The following GRM1 variants were observed in gnomAD, a reference collection of about 807,000 sequenced individuals.
GRM1 encodes glutamate metabotropic receptor 1.
A neutral mutation model predicts 90.9 loss-of-function variants in GRM1; 33 were observed. The observed-to-expected ratio is 0.36, with a 90% CI of 0.28 to 0.49. GRM1 has a LOEUF of 0.49. GRM1 is among the 20% of genes least tolerant of loss of function. The pLI is 0.99. For missense variants in GRM1, 1,190 were observed against 1,534.3 expected, an observed-to-expected ratio of 0.78 and a Z score of 3.75; for synonymous variants, 700 against 613.2, an observed-to-expected ratio of 1.14 and a Z score of -2.09.
At chr6:146,340,414 A>G (rs902716814) in intron 3 of GRM1, 1 of 152,196 alleles carries the variant, frequency 6.6e-6, no homozygotes, top group Admixed American at 6.6e-5. Flanking sequence ...CTGTGTAAGA[A>G]ATTAGTGCAA....
At chr6:146,285,638 T>C (rs146034354) in intron 2 of GRM1, among the ~76,000 whole-genome samples, 3 of 152,338 alleles carry the variant, frequency 2.0e-5, no homozygotes, top group Non-Finnish European at 4.4e-5. Context: ...TTGCATAGTA[T>C]TTCTGCATGG....
At chr6:146,299,669 A>G (rs1783304965) in intron 2 of GRM1, among the ~76,000 whole-genome samples, 1 of 152,190 alleles carries the variant, frequency 6.6e-6, no homozygotes, top group East Asian at 1.9e-4. Context: ...GCCTCAGGTA[A>G]TTTCATTAAA....
intron 2 of GRM1, among the ~76,000 whole-genome samples, chr6:146,284,281 T>C (rs1248211269): frequency 2.0e-5 from 3 of 152,214 alleles, no homozygotes; most frequent in African/African-American, 7.2e-5. Flanking sequence ...CTTGAAGTTA[T>C]CTTTTAAAAA....
At chr6:146,164,258 C>A (rs1777834800) in intron 2 of GRM1, among the ~76,000 whole-genome samples, 1 of 152,002 alleles carries the variant, frequency 6.6e-6, no homozygotes, top group Non-Finnish European at 1.5e-5. Flanking sequence ...ATAATTACTC[C>A]AAATTCCTAA....
intron 7 of GRM1, among the ~76,000 whole-genome samples, chr6:146,417,871 A>G (rs1318215174): frequency 6.6e-6 from 1 of 152,166 alleles, no homozygotes; most frequent in African/African-American, 2.4e-5. Flanking sequence ...GTAAGGTAAT[A>G]AAAAGTCTGA....
rs1235035789 is a variant in GRM1, at chr6:146,029,707, G to A, written c.190G>A (p.Glu64Lys). The A allele has an allele frequency of 6.2e-7, 1 of 1,614,008 alleles. No homozygotes were observed. The highest frequency in any genetic ancestry group is 1.7e-5 in the Admixed American group (1 of 60,004). Reference sequence around the variant, plus strand: ...CCAGCCTCCGGCCGAGAAAGTGCCCGAGAGGAAGTGTGGGGAGATCAGGGA... The same window carrying A: ...CCAGCCTCCGGCCGAGAAAGTGCCCAAGAGGAAGTGTGGGGAGATCAGGGA... ...HHQPPAEKVP[E>K]RKCGEIREQY... Residue 64 changes from glutamate (E) to lysine (K), a missense_variant, in exon 1 of 8, where the codon GAG becomes AAG. Physicochemically the swap from Glu to Lys is moderately conservative, Grantham distance 56 (BLOSUM62 1). Coordinates refer to ENST00000282753, the MANE Select transcript of GRM1 (RefSeq NM_001278064.2).
At chr6:146,028,228 AGG>A, upstream of GRM1, among the ~76,000 whole-genome samples, 1 of 126,544 alleles carries the variant, frequency 7.9e-6, no homozygotes, top group Non-Finnish European at 1.7e-5. Flanking sequence ...CTCGAGTGGA[AGG>A]GAGTGTGTGT....
intron 1 of GRM1, among the ~76,000 whole-genome samples, chr6:146,138,369 A>G (rs1247652909): frequency 3.3e-5 from 5 of 152,002 alleles, no homozygotes; most frequent in Non-Finnish European, 5.9e-5. Context: ...TTATGAAGTG[A>G]TGTTGAATTT....
At chr6:146,404,094 T>G (rs1288520849) in intron 7 of GRM1, among the ~76,000 whole-genome samples, 1 of 152,142 alleles carries the variant, frequency 6.6e-6, no homozygotes, top group Non-Finnish European at 1.5e-5. Flanking sequence ...CATTTTGTAA[T>G]TATTTTTCTC....
intron 1 of GRM1, among the ~76,000 whole-genome samples, chr6:146,120,833 G>GTTTGCCAGTA (rs1775957318): frequency 6.6e-6 from 1 of 152,184 alleles, no homozygotes; most frequent in African/African-American, 2.4e-5. Flanking sequence ...GCTGGATTCA[G>GTTTGCCAGTA]TTTGCCAGTA....
At chr6:146,377,403 T>C (rs937741120) in intron 5 of GRM1, among the ~76,000 whole-genome samples, 9 of 152,030 alleles carry the variant, frequency 5.9e-5, no homozygotes, top group Admixed American at 3.9e-4. Flanking sequence ...ATGAGAAACT[T>C]GTTAGAAATT....
At chr6:146,417,674 A>T (rs747052864) in intron 7 of GRM1, among the ~76,000 whole-genome samples, 1 of 152,192 alleles carries the variant, frequency 6.6e-6, no homozygotes, top group Non-Finnish European at 1.5e-5. Context: ...ATAGCCAAGA[A>T]TTTCAGAATT....
chr6:146,315,336 A>G (rs573389441), intron 3 of GRM1, among the ~76,000 whole-genome samples: 2 of 152,236 alleles, frequency 1.3e-5, no homozygotes, highest in South Asian at 4.1e-4. Context: ...ACAGTGAGCT[A>G]TGATTGTGGC....
intron 1 of GRM1, among the ~76,000 whole-genome samples, chr6:146,055,553 T>C (rs899331005): frequency 1.3e-5 from 2 of 152,126 alleles, no homozygotes; most frequent in African/African-American, 4.8e-5. Context: ...AACTCTTGGA[T>C]TGAAATTTTA....
chr6:146,158,480 C>T (rs1321456520), intron 1 of GRM1, among the ~76,000 whole-genome samples: 1 of 152,076 alleles, frequency 6.6e-6, no homozygotes, highest in Non-Finnish European at 1.5e-5. Flanking sequence ...AAGTGTGACC[C>T]TGGACATGTG....
At chr6:146,097,979 C>G (rs188884379) in intron 1 of GRM1, among the ~76,000 whole-genome samples, 4 of 152,274 alleles carry the variant, frequency 2.6e-5, no homozygotes. Flanking sequence ...TTCCTCTGTT[C>G]AGCACTCCTT....
intron 2 of GRM1, among the ~76,000 whole-genome samples, chr6:146,273,498 G>A (rs1475970178): frequency 1.3e-5 from 2 of 152,200 alleles, no homozygotes; most frequent in African/African-American, 4.8e-5. Context: ...CTCCCTAGGT[G>A]TCCTAAAATC....
chr6:146,369,124 T>C (rs9485078), intron 5 of GRM1, among the ~76,000 whole-genome samples: 69,634 of 151,600 alleles, frequency 0.46, 16,227 homozygotes, highest in African/African-American at 0.54. Context: ...TTTCCCAATC[T>C]GTTGGCATAT....
At chr6:146,174,306 A>C (rs1164333663) in intron 2 of GRM1, among the ~76,000 whole-genome samples, 2 of 152,128 alleles carry the variant, frequency 1.3e-5, no homozygotes, top group Admixed American at 6.5e-5. Flanking sequence ...ACTGGATATG[A>C]CTTTATGGGC....
Sources: allele counts gnomAD v4.1 joint callset (sites outside exome capture counted in the v4.1 genomes callset), GRCh38; gene constraint gnomAD v4.1.1; transcripts MANE v1.5; gene names NCBI Gene and HGNC (gene_info 2026-07-23, HGNC 2026-07-21).